Variants in TTC33 observed in about 807,000 individuals in gnomAD.
The protein encoded by TTC33 is tetratricopeptide repeat protein 33.
In TTC33, 24 loss-of-function variants were observed where a neutral mutation model predicts 29.4. That is an observed-to-expected ratio of 0.82 (90% CI 0.59 to 1.15). TTC33 has a LOEUF of 1.15. TTC33 is among the 50% of genes most tolerant of loss of function. The pLI is 0.00. For synonymous variants in TTC33, 107 were observed against 100.3 expected (o/e 1.07, Z -0.40); for missense variants, 286 against 310.4 (o/e 0.92, Z 0.59).
chr5:40,745,908 T>C (rs1579690976), intron 2 of TTC33, among the ~76,000 whole-genome samples: 1 of 152,024 alleles, frequency 6.6e-6, no homozygotes, highest in Non-Finnish European at 1.5e-5. Context: ...CCAGTTGTAC[T>C]ATTCTTTAAT....
intron 2 of TTC33, among the ~76,000 whole-genome samples, chr5:40,732,234 C>T (rs1742447392): frequency 1.3e-5 from 2 of 151,958 alleles, no homozygotes; most frequent in Admixed American, 1.3e-4. Context: ...TCAGGCTGGT[C>T]TCAAACTTCT....
intron 2 of TTC33, among the ~76,000 whole-genome samples, chr5:40,740,509 A>T (rs958758632): frequency 6.6e-6 from 1 of 151,664 alleles, no homozygotes; most frequent in Non-Finnish European, 1.5e-5. Context: ...CAGCTTCTAC[A>T]CTCCGAAATC....
Position 40,713,330 on chromosome 5 carries a change from A to G in TTC33, c.*2815T>C, listed in dbSNP as rs566885660. On this transcript the variant is annotated 3_prime_UTR_variant, in exon 5 of 5. Coordinates refer to ENST00000337702, the MANE Select transcript of TTC33 (RefSeq NM_012382.3). ...AGGCAGTGAAACAAGCTTTTGAATC[A>G]TTATGTAATTTTCAAACAACTAAAA... Among the ~76,000 whole-genome samples, 7 of 152,284 alleles carry G rather than the reference A, an allele frequency of 4.6e-5. No individual in the cohort carries two copies. The highest frequency in any genetic ancestry group is 1.4e-4 in the African/African-American group (6 of 41,580).
At chr5:40,726,214 T>A (rs1017608840) in intron 4 of TTC33, among the ~76,000 whole-genome samples, 10 of 149,286 alleles carry the variant, frequency 6.7e-5, no homozygotes, top group South Asian at 6.3e-4. Flanking sequence ...CATACATATT[T>A]TATATATATA....
intron 2 of TTC33, among the ~76,000 whole-genome samples, chr5:40,740,032 G>C (rs1742660647): frequency 2.0e-5 from 3 of 151,622 alleles, no homozygotes. Flanking sequence ...GGTTTCTCTA[G>C]GGTCTAGGTT....
In TTC33 at chr5:40,728,481, AG is replaced by A; in HGVS notation, c.304-6del. The A allele has an allele frequency of 6.3e-7, 1 of 1,584,648 alleles. No homozygotes were observed. Among genetic ancestry groups the A allele is most frequent in the South Asian group, 1.2e-5 (1 of 85,688 alleles). On this transcript the variant is annotated splice_region_variant and splice_polypyrimidine_tract_variant and intron_variant, in intron 3 of 4. Transcript: ENST00000337702. ...TTCATGAAGAGACATTAGCACCTATAGGCAAAAAAAGACCAAAAAATCTGTC... is the reference window on the plus strand; with the variant it reads ...TTCATGAAGAGACATTAGCACCTATAGCAAAAAAAGACCAAAAAATCTGTC...
At chr5:40,742,624 A>G (rs1742717832) in intron 2 of TTC33, among the ~76,000 whole-genome samples, 1 of 152,202 alleles carries the variant, frequency 6.6e-6, no homozygotes, top group African/African-American at 2.4e-5. Context: ...TACACAAAAC[A>G]ACAGGGGAAT....
chr5:40,714,005 T>G lies in TTC33; in HGVS notation c.*2140A>C, dbSNP rs896710015. On this transcript the variant is annotated 3_prime_UTR_variant, in exon 5 of 5. Coordinates refer to ENST00000337702, the MANE Select transcript of TTC33 (RefSeq NM_012382.3). ...TTACTGTTTCTTTTTCTCCTCTGTCTTATGTCTAAACTATTTTATGTCTTA... is the reference window on the plus strand; with the variant it reads ...TTACTGTTTCTTTTTCTCCTCTGTCGTATGTCTAAACTATTTTATGTCTTA... 1.3e-5 allele frequency among the ~76,000 whole-genome samples: 2 copies of G among 152,212 alleles called. No individual in the cohort carries two copies.
At chr5:40,734,939 G>A (rs550380004) in intron 2 of TTC33, among the ~76,000 whole-genome samples, 7 of 152,288 alleles carry the variant, frequency 4.6e-5, no homozygotes, top group African/African-American at 1.7e-4. Flanking sequence ...ATTCGGAATG[G>A]GCGGTCAAGA....
chr5:40,716,239 A>AC lies in TTC33; in HGVS notation c.694dup (p.Val232GlyfsTer14). On this transcript the variant is annotated frameshift_variant, in exon 5 of 5. Transcript: ENST00000337702. LOFTEE classifies it high-confidence loss of function. ...TATGGCCCCAGAAGCAGACACAATA[A>AC]CCATTGTTTTATTTGCTGAAACTGT... 2 of 1,614,202 alleles carry AC rather than the reference A, an allele frequency of 1.2e-6. No homozygotes were observed. Among genetic ancestry groups the AC allele is most frequent in the Non-Finnish European group, 1.7e-6 (2 of 1,180,042 alleles).
chr5:40,743,773 C>CA (rs1433257396), intron 2 of TTC33, among the ~76,000 whole-genome samples: 1 of 151,762 alleles, frequency 6.6e-6, no homozygotes, highest in Admixed American at 6.6e-5. Context: ...GACTCCACCT[C>CA]AAAAAAATAT....
intron 4 of TTC33, among the ~76,000 whole-genome samples, 161 bp downstream of exon 4, chr5:40,728,184 T>C (rs1262124391): frequency 7.0e-6 from 1 of 142,716 alleles, no homozygotes; most frequent in Non-Finnish European, 1.5e-5. Context: ...CACAGGAGGC[T>C]GAGACAGGAG....
At chr5:40,732,360 A>AGCTCATCAATCTTT in intron 2 of TTC33, among the ~76,000 whole-genome samples, 1 of 152,060 alleles carries the variant, frequency 6.6e-6, no homozygotes, top group East Asian at 1.9e-4. Context: ...ATGAGGAACC[A>AGCTCATCAATCTTT]ATGGTTGAGA....
chr5:40,751,473 T>C (rs1742893313), intron 1 of TTC33, among the ~76,000 whole-genome samples: 1 of 152,222 alleles, frequency 6.6e-6, no homozygotes, highest in Non-Finnish European at 1.5e-5. Context: ...ACATTTAGCA[T>C]AATTCTCAAG....
intron 4 of TTC33, among the ~76,000 whole-genome samples, chr5:40,724,253 A>C (rs1297124315): frequency 7.2e-5 from 11 of 152,242 alleles, no homozygotes; most frequent in Admixed American, 7.2e-4. Flanking sequence ...CATTATGCTA[A>C]GTGAAAGAAG....
In TTC33 at chr5:40,715,049, C is replaced by T. The variant is rs2111856057; in HGVS notation, c.*1096G>A. ...TTTTTTTTAATATAGCCTTTTCATA[C>T]TCATGAGATTGTACTATAAATCACA... On this transcript the variant is annotated 3_prime_UTR_variant, in exon 5 of 5. Transcript: ENST00000337702. 6.6e-6 allele frequency: 1 copy of T among 152,124 alleles called. No individual in the cohort carries two copies. Among genetic ancestry groups the T allele is most frequent in the East Asian group, 1.9e-4 (1 of 5,192 alleles). The allele number at this position is 152,124 out of a possible 1,614,324, so 9.4% of individuals were successfully genotyped here. A position where few individuals can be genotyped will look rare whatever the true frequency, so the allele number is the denominator to read the frequency against.
intron 2 of TTC33, among the ~76,000 whole-genome samples, chr5:40,746,346 A>G (rs1742787455): frequency 6.6e-6 from 1 of 152,232 alleles, no homozygotes; most frequent in African/African-American, 2.4e-5. Context: ...TTACTTAAGT[A>G]TATAAGAAGT....
chr5:40,717,827 G>A (rs1199556108), intron 4 of TTC33, among the ~76,000 whole-genome samples: 4 of 152,204 alleles, frequency 2.6e-5, no homozygotes, highest in Non-Finnish European at 5.9e-5. Context: ...ACTCTGGGAG[G>A]TCAAGGCAGG....
intron 1 of TTC33, among the ~76,000 whole-genome samples, chr5:40,750,211 T>C (rs1012868135): frequency 6.6e-6 from 1 of 152,160 alleles, no homozygotes; most frequent in Non-Finnish European, 1.5e-5. Flanking sequence ...TCCTCAATGT[T>C]GATGGCTGTT....
Sources: gnomAD v4.1 joint callset for allele counts (sites outside exome capture counted in the v4.1 genomes callset) on GRCh38, gnomAD v4.1.1 for gene constraint, MANE v1.5 for transcripts, NCBI Gene and HGNC (gene_info 2026-07-23, HGNC 2026-07-21) for gene names.